UPF2: variants seen among roughly 807,000 people sequenced by gnomAD.
UPF2 encodes UPF2 regulator of nonsense mediated mRNA decay.
In UPF2, 17 loss-of-function variants were observed where a neutral mutation model predicts 141.4. The ratio of observed to expected loss-of-function variants is 0.12; its 90% CI spans 0.08 to 0.18. The LOEUF (loss-of-function observed/expected upper bound fraction) is 0.18, where lower values mean the gene tolerates loss of function less well. UPF2 is among the 10% of genes least tolerant of loss of function. The pLI is 1.00. For missense variants in UPF2, 1,152 were observed against 1,515.9 expected (o/e 0.76, Z 3.99); for synonymous variants, 540 against 498.0 (o/e 1.08, Z -1.12).
intron 8 of UPF2, among the ~76,000 whole-genome samples, chr10:11,991,789 C>G (rs1220088560): frequency 6.6e-6 from 1 of 152,230 alleles, no homozygotes; most frequent in Non-Finnish European, 1.5e-5. Flanking sequence ...AGCCCCAATT[C>G]TGAACATAGA....
chr10:11,982,680 G>A (rs566917081), intron 8 of UPF2, among the ~76,000 whole-genome samples: 3 of 152,126 alleles, frequency 2.0e-5, no homozygotes, highest in Non-Finnish European at 4.4e-5. Context: ...AGGCTGGAGT[G>A]CAATGGCGCC....
chr10:12,025,855 T>G (rs1240599943), intron 3 of UPF2, among the ~76,000 whole-genome samples: 1 of 152,178 alleles, frequency 6.6e-6, no homozygotes, highest in Non-Finnish European at 1.5e-5. Context: ...AGTGCAGTGG[T>G]GCGATCATGG....
chr10:12,012,851 A>G (rs146881344), intron 4 of UPF2, among the ~76,000 whole-genome samples: 4 of 151,982 alleles, frequency 2.6e-5, no homozygotes, highest in African/African-American at 9.6e-5. Context: ...GAGATATTGA[A>G]TAAGAGCCTG....
Position 11,921,124 on chromosome 10 carries a change from T to C in UPF2, c.*174A>G, listed in dbSNP as rs754505966. The C allele has an allele frequency of 1.1e-6, 1 of 869,966 alleles. No individual in the cohort carries two copies. The highest frequency in any genetic ancestry group is 2.0e-6 in the Non-Finnish European group (1 of 501,422). The allele number at this position is 869,966 out of a possible 1,614,324, so 53.9% of individuals were successfully genotyped here. ...GTCTGGAAGCGTCGGCTTGTTCCGG[T>C]GTTGGCAGAGGCTGGTGTTTCTGCC... On this transcript the variant is annotated 3_prime_UTR_variant, in exon 22 of 22. Coordinates refer to ENST00000357604, the MANE Select transcript of UPF2 (RefSeq NM_015542.4). This position sits in a 1 kb window ranked among gnomAD's most constrained non-coding sequence, Gnocchi z 5.9.
intron 3 of UPF2, among the ~76,000 whole-genome samples, chr10:12,025,444 G>C (rs1834402270): frequency 6.6e-6 from 1 of 151,976 alleles, no homozygotes; most frequent in Admixed American, 6.6e-5. Flanking sequence ...CTAGCTACTT[G>C]GGAAGCTGAG....
intron 8 of UPF2, among the ~76,000 whole-genome samples, chr10:11,987,302 A>G (rs1473476064): frequency 5.3e-5 from 8 of 152,266 alleles, no homozygotes; most frequent in Non-Finnish European, 1.2e-4. Context: ...CAGCCTGCAC[A>G]TGGACCCTTG....
At position 11,992,900 on chromosome 10, in the gene UPF2, G is replaced by A. The variant is rs1442318524; in HGVS notation, c.1844+4772C>T. Among the ~76,000 whole-genome samples, 1 of 152,164 alleles carries A rather than the reference G, an allele frequency of 6.6e-6. No individual in the cohort carries two copies. The highest frequency in any genetic ancestry group is 1.9e-4 in the East Asian group (1 of 5,200). Reference sequence around the variant, plus strand: ...CAGGTGGCTCACACTTGTAATCCCAGCACTTTGGGAGGCCAAGGCGAGTGA... The same window carrying A: ...CAGGTGGCTCACACTTGTAATCCCAACACTTTGGGAGGCCAAGGCGAGTGA... On this transcript the variant is annotated intron_variant, in intron 8 of 21. Coordinates refer to ENST00000357604, the MANE Select transcript of UPF2 (RefSeq NM_015542.4). This position sits in a 1 kb window ranked among gnomAD's most constrained non-coding sequence, Gnocchi z 4.1.
At chr10:11,958,411 G>A (rs111860180) in intron 12 of UPF2, among the ~76,000 whole-genome samples, 19 of 152,126 alleles carry the variant, frequency 1.2e-4, no homozygotes, top group African/African-American at 3.9e-4. Flanking sequence ...CATTTCCAAC[G>A]AAGCTGGTAT....
At chr10:12,001,475 C>T (rs1222657603) in intron 6 of UPF2, among the ~76,000 whole-genome samples, 1 of 151,938 alleles carries the variant, frequency 6.6e-6, no homozygotes, top group Non-Finnish European at 1.5e-5. Context: ...TTTAGATGAT[C>T]ATTAAAGTTT....
intron 3 of UPF2, among the ~76,000 whole-genome samples, chr10:12,018,733 C>A (rs1003048852): frequency 9.9e-5 from 15 of 152,032 alleles, no homozygotes; most frequent in African/African-American, 3.6e-4. Flanking sequence ...GCCTGGGTGA[C>A]AGAGTGAGAC....
chr10:12,005,407 A>G (rs964637608), intron 4 of UPF2, among the ~76,000 whole-genome samples: 3 of 152,218 alleles, frequency 2.0e-5, no homozygotes, highest in Admixed American at 6.6e-5. Flanking sequence ...GTTTATACAG[A>G]GAAAGTTTAG....
intron 7 of UPF2, among the ~76,000 whole-genome samples, chr10:11,999,068 C>T (rs1833910588): frequency 6.6e-6 from 1 of 151,104 alleles, no homozygotes; most frequent in Non-Finnish European, 1.5e-5. Context: ...AACAAGGAGA[C>T]TCTTAAGTGA....
At position 12,003,862 on chromosome 10, in the gene UPF2, T is replaced by C. The variant is rs189070190; in HGVS notation, c.1504+668A>G. On this transcript the variant is annotated intron_variant, in intron 5 of 21. Coordinates refer to ENST00000357604, the MANE Select transcript of UPF2 (RefSeq NM_015542.4). ...ATCACTTGCACCTGGGAAGCGTAGG[T>C]TGCAGTGAGCTGAGACCACATGACT... is the stretch of plus-strand genomic sequence containing the variant. 3.7e-3 allele frequency among the ~76,000 whole-genome samples: 533 copies of C among 143,338 alleles called. 1 individual carries two copies. Among genetic ancestry groups the C allele is most frequent in the African/African-American group, 0.013 (513 of 39,132 alleles). 94.0% of individuals were successfully genotyped at this position (143,338 alleles called of 152,430 possible). A position where few individuals can be genotyped will look rare whatever the true frequency, so the allele number is the denominator to read the frequency against.
intron 2 of UPF2, among the ~76,000 whole-genome samples, chr10:12,032,644 G>A (rs1260267445): frequency 2.0e-5 from 3 of 151,734 alleles, no homozygotes; most frequent in Non-Finnish European, 2.9e-5. Context: ...AGGCAGAGGC[G>A]GGAGGATCAC....
rs1450556121 is a variant in UPF2, at chr10:11,979,439, C to CA, written c.1845-275dup. Among the ~76,000 whole-genome samples, 6 of 152,196 alleles carry CA rather than the reference C, an allele frequency of 3.9e-5. No homozygotes were observed. The highest frequency in any genetic ancestry group is 2.1e-4 in the South Asian group (1 of 4,822). On this transcript the variant is annotated intron_variant, in intron 8 of 21. Coordinates refer to ENST00000357604, the MANE Select transcript of UPF2 (RefSeq NM_015542.4). The surrounding 1 kb of genome is among the most constrained non-coding windows in gnomAD (Gnocchi z 6.2). ...TTGATGAAATATGAAACACCACACA[C>CA]AAAAAAACAGTATGTTTTGACACGA...
Position 11,936,518 on chromosome 10 carries a change from A to G in UPF2, c.3546+27T>C. On this transcript the variant is annotated intron_variant, in intron 19 of 21. Transcript: ENST00000357604. This position sits in a 1 kb window ranked among gnomAD's most constrained non-coding sequence, Gnocchi z 6.6. ...CTAACTGTATAACTCACAATCAGCT[A>G]TAATTACAGGGCGGGCAGTTTCTTA... The G allele has an allele frequency of 6.4e-7, 1 of 1,570,192 alleles. No individual in the cohort carries two copies. The highest frequency in any genetic ancestry group is 1.2e-5 in the South Asian group (1 of 82,220).
At chr10:12,003,923 C>CAAAA (rs34191709) in intron 5 of UPF2, among the ~76,000 whole-genome samples, 1,418 of 80,952 alleles carry the variant, frequency 0.018, 29 homozygotes, top group Non-Finnish European at 0.026. Context: ...AACTCCGCCT[C>CAAAA]AAAAAAAAAA....
intron 16 of UPF2, 146 bp from the exon 17 acceptor site, chr10:11,943,314 G>A: frequency 1.5e-6 from 1 of 667,346 alleles, no homozygotes; most frequent in South Asian, 2.0e-5. Flanking sequence ...CAATGGGAGG[G>A]CAAAGTCAGC....
chr10:11,954,042 G>A (rs1389313035), intron 14 of UPF2, among the ~76,000 whole-genome samples: 1 of 152,140 alleles, frequency 6.6e-6, no homozygotes, highest in Non-Finnish European at 1.5e-5. Flanking sequence ...ATAGTGAGTT[G>A]TTCACCCTAA....
Sources: allele counts gnomAD v4.1 joint callset (sites outside exome capture counted in the v4.1 genomes callset), GRCh38; gene constraint gnomAD v4.1.1; non-coding constraint Gnocchi (gnomAD v3.1); transcripts MANE v1.5; gene names NCBI Gene and HGNC (gene_info 2026-07-23, HGNC 2026-07-21).